Variants in FANCA observed in about 807,000 individuals in gnomAD.
The protein encoded by FANCA is Fanconi anemia group A protein.
A neutral mutation model predicts 194.3 loss-of-function variants in FANCA; 236 were observed. The observed-to-expected ratio is 1.21, with a 90% CI of 1.09 to 1.35. The LOEUF (loss-of-function observed/expected upper bound fraction) is 1.35, where lower values mean the gene tolerates loss of function less well. FANCA is among the 40% of genes most tolerant of loss of function. The probability of loss-of-function intolerance (pLI) is 0.00; values close to 1 mark genes in which losing one functional copy is unlikely to be tolerated. For synonymous variants in FANCA, 1,014 were observed against 715.8 expected (o/e 1.42, Z -6.65); for missense variants, 2,628 against 1,813.9 (o/e 1.45, Z -8.15).
intron 14 of FANCA, among the ~76,000 whole-genome samples, chr16:89,788,751 G>A (rs1227865181): frequency 2.0e-5 from 3 of 152,114 alleles, no homozygotes; most frequent in Admixed American, 6.6e-5. Flanking sequence ...AGTGAGCTAT[G>A]ATCATGCCAC....
At chr16:89,769,163 C>T (rs769852979) in intron 26 of FANCA, among the ~76,000 whole-genome samples, 2 of 152,164 alleles carry the variant, frequency 1.3e-5, no homozygotes, top group Admixed American at 6.5e-5. Flanking sequence ...ACAGGGTCTC[C>T]GGCACCGCAA....
At chr16:89,761,821 TC>T (rs1417974948) in intron 29 of FANCA, 127 bp downstream of exon 29, 2 of 768,274 alleles carry the variant, frequency 2.6e-6, no homozygotes, top group Non-Finnish European at 4.7e-6. Context: ...AAATGGAGTT[TC>T]CCCATGTTGC....
Position 89,778,786 on chromosome 16 carries a change from A to G in FANCA, c.1826+15T>C, listed in dbSNP as rs1800337. The stretch of plus-strand genomic sequence containing the variant: ...ACCTGGAAGTAGTCATCCCCTTCTA[A>G]CCGTTGCTGCATACCTCTTCAGAGA... On this transcript the variant is annotated intron_variant, in intron 20 of 42. Transcript: ENST00000389301. The G allele has an allele frequency of 0.46, 732,239 of 1,608,578 alleles. 180,179 individuals are homozygous for G. The highest frequency in any genetic ancestry group is 0.98 in the East Asian group (43,964 of 44,856).
chr16:89,776,399 C>T (rs1219426611), intron 20 of FANCA, among the ~76,000 whole-genome samples: 1 of 151,408 alleles, frequency 6.6e-6, no homozygotes, highest in Non-Finnish European at 1.5e-5. Flanking sequence ...GAACTCGTGA[C>T]CTTGTGATTC....
chr16:89,746,498 G>C, intron 35 of FANCA, 86 bp downstream of exon 35: 4 of 1,051,856 alleles, frequency 3.8e-6, no homozygotes, highest in Non-Finnish European at 6.0e-6. Context: ...ACCCGTGATG[G>C]AGACGTGCTG....
chr16:89,773,463 C>G lies in FANCA; in HGVS notation c.1901-79G>C, dbSNP rs1428150272. ...TGCAAAAATAGAAACTTCACACAGTCAAATACAGAGCTGTGAACTTCCAAG... is the reference window on the plus strand; with the variant it reads ...TGCAAAAATAGAAACTTCACACAGTGAAATACAGAGCTGTGAACTTCCAAG... On this transcript the variant is annotated intron_variant, in intron 21 of 42. Coordinates refer to ENST00000389301, the MANE Select transcript of FANCA (RefSeq NM_000135.4). 4 of 1,030,918 alleles carry G rather than the reference C, an allele frequency of 3.9e-6. No homozygotes were observed. The African/African-American group carries it at 6.3e-5, about 16-fold the overall frequency. 63.9% of individuals were successfully genotyped at this position (1,030,918 alleles called of 1,614,324 possible).
intron 10 of FANCA, among the ~76,000 whole-genome samples, chr16:89,797,246 G>A (rs958689826): frequency 2.0e-5 from 3 of 152,044 alleles, no homozygotes; most frequent in Admixed American, 6.6e-5. Context: ...CAGGAGAATC[G>A]CTTGAACCCA....
chr16:89,742,802 CCTCT>C lies in FANCA; in HGVS notation c.3759_3762del (p.Glu1254SerfsTer11). ...AGTAAAAGAATTTCCTATCTTGCCT[CCTCT>C]CTCTCGCAGTCCAGCTTCTTTAGCT... On this transcript the variant is annotated frameshift_variant, in exon 37 of 43. Coordinates refer to ENST00000389301, the MANE Select transcript of FANCA (RefSeq NM_000135.4). LOFTEE classifies it high-confidence loss of function. The C allele has an allele frequency of 6.2e-7, 1 of 1,614,074 alleles. No homozygotes were observed. The highest frequency in any genetic ancestry group is 1.1e-5 in the South Asian group (1 of 91,080).
chr16:89,739,428 G>C, intron 40 of FANCA, 50 bp downstream of exon 40: 1 of 1,553,246 alleles, frequency 6.4e-7, no homozygotes, highest in Non-Finnish European at 8.7e-7. Context: ...GCTGAGATGG[G>C]GGTCTGGGAA....
At position 89,738,547 on chromosome 16, in the gene FANCA, C is replaced by T. The variant is rs544435184; in HGVS notation, c.*54G>A. ...AGTGCAACAAGAGCTCCATGTTATG[C>T]TTGTAATAAATTATTTACACGGGAG... On this transcript the variant is annotated 3_prime_UTR_variant, in exon 43 of 43. Coordinates refer to ENST00000389301, the MANE Select transcript of FANCA (RefSeq NM_000135.4). The T allele has an allele frequency of 1.2e-6, 2 of 1,610,976 alleles. No homozygotes were observed. The highest frequency in any genetic ancestry group is 1.7e-6 in the Non-Finnish European group (2 of 1,179,118).
chr16:89,739,904 A>T (rs2062084426), intron 39 of FANCA, 90 bp downstream of exon 39: 1 of 1,581,168 alleles, frequency 6.3e-7, no homozygotes, highest in African/African-American at 1.4e-5. Context: ...TTAGCAAGGA[A>T]CCTCAAGGAG....
chr16:89,742,950 A>G lies in FANCA; in HGVS notation c.3627-12T>C. 2 of 1,613,396 alleles carry G rather than the reference A, an allele frequency of 1.2e-6. No individual in the cohort carries two copies. Among genetic ancestry groups the G allele is most frequent in the Non-Finnish European group, 8.5e-7 (1 of 1,179,466 alleles). On this transcript the variant is annotated splice_polypyrimidine_tract_variant and intron_variant, in intron 36 of 42. Coordinates refer to ENST00000389301, the MANE Select transcript of FANCA (RefSeq NM_000135.4). ...CAGGGGAGAGGAAACTGGGACAGAGAGAACGGGGTCATTGCAGGGCCTTAC... is the reference window on the plus strand; with the variant it reads ...CAGGGGAGAGGAAACTGGGACAGAGGGAACGGGGTCATTGCAGGGCCTTAC...
intron 30 of FANCA, 142 bp downstream of exon 30, chr16:89,758,435 C>A: frequency 1.1e-6 from 1 of 926,766 alleles, no homozygotes; most frequent in Admixed American, 1.8e-5. Context: ...CCAAAGGAGA[C>A]TGACATTTGG....
chr16:89,811,583 CCTCA>C (rs1440472486), intron 3 of FANCA, among the ~76,000 whole-genome samples: 2 of 152,160 alleles, frequency 1.3e-5, no homozygotes, highest in Admixed American at 6.5e-5. Context: ...CCAAGTGGAA[CCTCA>C]CTAACAGCCT....
rs370763750 is a variant in FANCA, at chr16:89,737,958, T to A, written c.*643A>T. On this transcript the variant is annotated 3_prime_UTR_variant, in exon 43 of 43. Transcript: ENST00000389301. ...GGGCTGTGGCCCTCGCACCTTCTTA[T>A]CTGCCTCTGTCCCCCAGGTGTGAGG... 6.8e-6 allele frequency: 11 copies of A among 1,613,998 alleles called. No homozygotes were observed. Among genetic ancestry groups the A allele is most frequent in the Non-Finnish European group, 9.3e-6 (11 of 1,180,002 alleles).
intron 14 of FANCA, chr16:89,791,190 C>T (rs908284206): frequency 3.8e-5 from 24 of 637,054 alleles, no homozygotes; most frequent in African/African-American, 1.3e-4. Flanking sequence ...CCAGGCTCCT[C>T]GGAACATGCA....
At chr16:89,768,640 A>T (rs147574446) in intron 26 of FANCA, among the ~76,000 whole-genome samples, 183 of 152,256 alleles carry the variant, frequency 1.2e-3, no homozygotes, top group African/African-American at 4.3e-3. Context: ...TGGACGATAG[A>T]GTGAGACTCT....
In FANCA at chr16:89,771,722, G is replaced by C. The variant is rs1555548512; in HGVS notation, c.2107C>G (p.Gln703Glu). The C allele has an allele frequency of 6.2e-7, 1 of 1,614,152 alleles. No homozygotes were observed. Among genetic ancestry groups the C allele is most frequent in the East Asian group, 2.2e-5 (1 of 44,886 alleles). ...DDSSVEISKI[Q>E]LSINTPRLEP... The stretch of plus-strand genomic sequence containing the variant: ...AGTCTCGGCGTGTTGATGCTGAGCT[G>C]AATCTTTGATATCTCAACGCTGCTG... Residue 703 changes from glutamine to glutamate, a missense_variant, in exon 23 of 43, where the codon CAG (glutamine) becomes GAG (glutamate). Physicochemically the swap from Gln to Glu is conservative, Grantham distance 29 (BLOSUM62 2). Coordinates refer to ENST00000389301, the MANE Select transcript of FANCA (RefSeq NM_000135.4).
intron 30 of FANCA, among the ~76,000 whole-genome samples, chr16:89,753,425 G>C (rs769866820): frequency 4.6e-5 from 7 of 152,128 alleles, no homozygotes; most frequent in South Asian, 2.1e-4. Context: ...CACACAGGGA[G>C]AGACCCACCG....
Sources: gnomAD v4.1 joint callset for allele counts (sites outside exome capture counted in the v4.1 genomes callset) on GRCh38, gnomAD v4.1.1 for gene constraint, MANE v1.5 for transcripts, NCBI Gene and HGNC (gene_info 2026-07-23, HGNC 2026-07-21) for gene names.